FPR3: variants seen among roughly 807,000 people sequenced by gnomAD.
FPR3 encodes formyl peptide receptor 3.
For synonymous variants in FPR3, 135 were observed against 163.6 expected, an observed-to-expected ratio of 0.83 and a Z score of 1.34; for missense variants, 346 against 443.2, an observed-to-expected ratio of 0.78 and a Z score of 1.97.
chr19:51,825,028 T>C lies in FPR3; in HGVS notation c.*218T>C, dbSNP rs374832448. The C allele has an allele frequency of 1.8e-4, 92 of 522,178 alleles. No homozygotes were observed. The East Asian group carries it at 2.9e-3, about 16-fold the overall frequency. 32.3% of individuals were successfully genotyped at this position (522,178 alleles called of 1,614,324 possible). The stretch of plus-strand genomic sequence containing the variant: ...AATTCCAACACTATCTACCTGGAGC[T>C]ACTGTCAGATCCCACAGGTTTAAGG... On this transcript the variant is annotated 3_prime_UTR_variant, in exon 2 of 2. Transcript: ENST00000339223.
chr19:51,805,850 TAGA>T (rs1479430324), intron 1 of FPR3, among the ~76,000 whole-genome samples: 1 of 152,102 alleles, frequency 6.6e-6, no homozygotes, highest in Non-Finnish European at 1.5e-5. Flanking sequence ...TAACCTGAAG[TAGA>T]AGAAGTTTCA....
intron 1 of FPR3, among the ~76,000 whole-genome samples, chr19:51,817,527 T>TTA (rs534968391): frequency 6.6e-6 from 1 of 151,572 alleles, no homozygotes; most frequent in Admixed American, 6.6e-5. Flanking sequence ...TTTTTTTTTT[T>TTA]AAATTATTGT....
intron 1 of FPR3, among the ~76,000 whole-genome samples, chr19:51,805,488 G>A (rs1247441227): frequency 6.6e-6 from 1 of 152,136 alleles, no homozygotes; most frequent in East Asian, 1.9e-4. Context: ...TTGCAAATGG[G>A]CTTTCACAAG....
At chr19:51,807,057 T>C (rs1250697242) in intron 1 of FPR3, among the ~76,000 whole-genome samples, 2 of 152,208 alleles carry the variant, frequency 1.3e-5, no homozygotes, top group South Asian at 2.1e-4. Context: ...CCACGATCCC[T>C]GATGGACTGA....
intron 1 of FPR3, among the ~76,000 whole-genome samples, chr19:51,800,954 T>C (rs893891239): frequency 2.6e-5 from 4 of 152,208 alleles, no homozygotes; most frequent in African/African-American, 9.6e-5. Flanking sequence ...CATTGTCTTG[T>C]AATGGGTCCT....
chr19:51,805,551 G>C (rs1482107422), intron 1 of FPR3, among the ~76,000 whole-genome samples: 2 of 152,218 alleles, frequency 1.3e-5, no homozygotes, highest in African/African-American at 4.8e-5. Context: ...ACAAATACGA[G>C]TGTGATTAAA....
At chr19:51,797,615 A>G (rs935074384) in intron 1 of FPR3, among the ~76,000 whole-genome samples, 2 of 152,176 alleles carry the variant, frequency 1.3e-5, no homozygotes, top group Non-Finnish European at 2.9e-5. Context: ...GGGTGTGTTG[A>G]GTGCTTACAC....
At chr19:51,795,507 T>C (rs1044352358) in intron 1 of FPR3, among the ~76,000 whole-genome samples, 176 bp downstream of exon 1, 3,032 of 63,876 alleles carry the variant, frequency 0.047, 184 homozygotes, top group Non-Finnish European at 0.053. Flanking sequence ...TAACATTCTT[T>C]TTTTTTTTTT....
At chr19:51,822,532 T>C (rs905351638) in intron 1 of FPR3, among the ~76,000 whole-genome samples, 3 of 152,224 alleles carry the variant, frequency 2.0e-5, no homozygotes, top group Non-Finnish European at 4.4e-5. Context: ...GATCTTTGTC[T>C]ACTGTTTCCT....
intron 1 of FPR3, among the ~76,000 whole-genome samples, chr19:51,822,412 G>A (rs2084197120): frequency 6.6e-6 from 1 of 152,198 alleles, no homozygotes; most frequent in African/African-American, 2.4e-5. Context: ...TTGATTTGCA[G>A]AGAAGAAATG....
chr19:51,795,501 A>ATTTTTTTTTTTTTTTTTTTTTTTTT (rs1361472024), intron 1 of FPR3, among the ~76,000 whole-genome samples, 170 bp downstream of exon 1: 4 of 77,074 alleles, frequency 5.2e-5, no homozygotes, highest in African/African-American at 1.2e-4. Flanking sequence ...TTCCAGTAAC[A>ATTTTTTTTTTTTTTTTTTTTTTTTT]TTCTTTTTTT....
intron 1 of FPR3, among the ~76,000 whole-genome samples, chr19:51,812,645 C>T (rs1403654937): frequency 6.6e-6 from 1 of 152,194 alleles, no homozygotes; most frequent in East Asian, 1.9e-4. Context: ...GCATCACACA[C>T]AAGCTTTGCA....
rs1288538240 is a variant in FPR3 at position 51,824,209 on chromosome 19, T to A, written c.461T>A (p.Ile154Lys). 1.9e-6 allele frequency: 3 copies of A among 1,614,148 alleles called. No individual in the cohort carries two copies. The highest frequency in any genetic ancestry group is 2.5e-6 in the Non-Finnish European group (3 of 1,179,988). The stretch of plus-strand genomic sequence containing the variant: ...ATGACGGGACTCTGGATTTTCACCA[T>A]AGTCCTTACCTTACCAAATTTCATC... ...RVMTGLWIFT[I>K]VLTLPNFIFW... Residue 154 changes from isoleucine to lysine, a missense_variant, in exon 2 of 2, where the codon ATA (isoleucine) becomes AAA (lysine). Transcript: ENST00000339223. The surrounding 1 kb of genome is among the most constrained non-coding windows in gnomAD (Gnocchi z 4.7).
At chr19:51,812,578 C>G (rs942050090) in intron 1 of FPR3, among the ~76,000 whole-genome samples, 1 of 152,222 alleles carries the variant, frequency 6.6e-6, no homozygotes, top group African/African-American at 2.4e-5. Context: ...TTGCCTCCAC[C>G]TCTGAAGAAA....
intron 1 of FPR3, among the ~76,000 whole-genome samples, chr19:51,811,891 A>C (rs187531025): frequency 1.5e-3 from 230 of 152,278 alleles, no homozygotes; most frequent in African/African-American, 5.3e-3. Flanking sequence ...TATAGCCTCC[A>C]GTGGAATGAT....
chr19:51,797,475 A>C (rs1382148287), intron 1 of FPR3, among the ~76,000 whole-genome samples: 2 of 152,160 alleles, frequency 1.3e-5, no homozygotes, highest in African/African-American at 4.8e-5. Flanking sequence ...TACAATTTTC[A>C]ATTTTTTTGG....
chr19:51,796,422 G>A (rs4802866), intron 1 of FPR3, among the ~76,000 whole-genome samples: 37,438 of 152,112 alleles, frequency 0.25, 5,027 homozygotes, highest in Admixed American at 0.33. Context: ...GGAAGCCATC[G>A]GAAGGTATTG....
chr19:51,807,548 A>G (rs1411695162), intron 1 of FPR3, among the ~76,000 whole-genome samples: 3 of 152,200 alleles, frequency 2.0e-5, no homozygotes, highest in East Asian at 1.9e-4. Flanking sequence ...AGCTCTGAGC[A>G]TTGACCTGAA....
chr19:51,821,263 T>G (rs1052917750), intron 1 of FPR3, among the ~76,000 whole-genome samples: 1 of 152,206 alleles, frequency 6.6e-6, no homozygotes. Flanking sequence ...GTGCCAACGA[T>G]AAGAGTAGCG....
Sources: gnomAD v4.1 joint callset for allele counts (sites outside exome capture counted in the v4.1 genomes callset) on GRCh38, gnomAD v4.1.1 for gene constraint, Gnocchi (gnomAD v3.1) non-coding constraint, MANE v1.5 for transcripts, NCBI Gene and HGNC (gene_info 2026-07-23, HGNC 2026-07-21) for gene names.